The following DEPDC1B variants were observed in gnomAD, a reference collection of about 807,000 sequenced individuals.
The protein encoded by DEPDC1B is DEP domain-containing protein 1B.
In DEPDC1B, 51 loss-of-function variants were observed where a neutral mutation model predicts 66.5. The ratio of observed to expected loss-of-function variants is 0.77; its 90% CI spans 0.61 to 0.97. The LOEUF is 0.97. Ranked by LOEUF, DEPDC1B falls within the 50% of genes least tolerant of loss-of-function variation. The pLI is 0.00. For missense variants in DEPDC1B, 552 were observed against 637.1 expected (o/e 0.87, Z 1.44); for synonymous variants, 226 against 223.6 (o/e 1.01, Z -0.10).
chr5:60,689,517 C>T (rs1398244914), intron 1 of DEPDC1B, among the ~76,000 whole-genome samples: 1 of 152,168 alleles, frequency 6.6e-6, no homozygotes, highest in Non-Finnish European at 1.5e-5. Flanking sequence ...ATATTCAAAT[C>T]TGTATCTTGA....
At chr5:60,688,872 G>A (rs900132313) in intron 1 of DEPDC1B, 8 of 330,478 alleles carry the variant, frequency 2.4e-5, no homozygotes, top group South Asian at 1.0e-4. Context: ...TTGGATCCAC[G>A]TCAGTTAAGT....
At chr5:60,657,195 TG>T (rs1437188111) in intron 2 of DEPDC1B, among the ~76,000 whole-genome samples, 1 of 152,216 alleles carries the variant, frequency 6.6e-6, no homozygotes, top group African/African-American at 2.4e-5. Flanking sequence ...ATGTGTTAGG[TG>T]AGTCTCTTGA....
At chr5:60,671,799 T>C (rs889169875) in intron 2 of DEPDC1B, among the ~76,000 whole-genome samples, 2 of 152,220 alleles carry the variant, frequency 1.3e-5, no homozygotes, top group Non-Finnish European at 2.9e-5. Flanking sequence ...TTTGTACTTA[T>C]TTATGTGTAA....
At chr5:60,679,235 T>C (rs1754236795) in intron 2 of DEPDC1B, among the ~76,000 whole-genome samples, 1 of 152,212 alleles carries the variant, frequency 6.6e-6, no homozygotes, top group Non-Finnish European at 1.5e-5. Context: ...CTGGACTCTC[T>C]ATTCTGTACC....
chr5:60,647,605 C>T (rs984163374), intron 2 of DEPDC1B, 72 bp from the exon 3 acceptor site: 1 of 1,501,884 alleles, frequency 6.7e-7, no homozygotes, highest in Admixed American at 2.4e-5. Context: ...ATAGTCTCCA[C>T]TTTGGTGTAT....
At chr5:60,644,148 G>C (rs571024463) in intron 5 of DEPDC1B, among the ~76,000 whole-genome samples, 22 of 152,134 alleles carry the variant, frequency 1.4e-4, no homozygotes, top group Non-Finnish European at 2.4e-4. Flanking sequence ...ATCAGTGTGG[G>C]GACTGTGGTC....
In DEPDC1B at chr5:60,599,266, G is replaced by C; in HGVS notation, c.1243-6C>G. ...TCAGCTCCTGGGTATTTTATCTGAG[G>C]CAAAAGGATTAGTAGTGAAAGAATA... is the stretch of plus-strand genomic sequence containing the variant. On this transcript the variant is annotated splice_polypyrimidine_tract_variant and splice_region_variant and intron_variant, in intron 9 of 10. Coordinates refer to ENST00000265036, the MANE Select transcript of DEPDC1B (RefSeq NM_018369.3). 6.3e-7 allele frequency: 1 copy of C among 1,584,518 alleles called. No individual in the cohort carries two copies. Among genetic ancestry groups the C allele is most frequent in the South Asian group, 1.2e-5 (1 of 85,174 alleles).
intron 7 of DEPDC1B, among the ~76,000 whole-genome samples, chr5:60,630,344 G>A (rs1046405503): frequency 6.6e-6 from 1 of 152,194 alleles, no homozygotes; most frequent in Non-Finnish European, 1.5e-5. Context: ...TGTGCGCTCG[G>A]CACGGCTGCA....
At chr5:60,634,364 A>C (rs915274577) in intron 7 of DEPDC1B, among the ~76,000 whole-genome samples, 2 of 152,186 alleles carry the variant, frequency 1.3e-5, no homozygotes, top group Non-Finnish European at 2.9e-5. Flanking sequence ...AATCATTCCA[A>C]ATGCTCTTAA....
chr5:60,599,793 A>G (rs1752167654), intron 9 of DEPDC1B, among the ~76,000 whole-genome samples: 1 of 152,198 alleles, frequency 6.6e-6, no homozygotes, highest in Non-Finnish European at 1.5e-5. Context: ...TTTATTTCCC[A>G]TAAGGAATAC....
intron 2 of DEPDC1B, among the ~76,000 whole-genome samples, chr5:60,666,747 C>T (rs1324174085): frequency 6.6e-6 from 1 of 152,054 alleles, no homozygotes; most frequent in Non-Finnish European, 1.5e-5. Flanking sequence ...TGGTTGGCCT[C>T]CAGCCCAGAG....
intron 1 of DEPDC1B, among the ~76,000 whole-genome samples, chr5:60,699,652 C>G (rs1269189868): frequency 6.6e-6 from 1 of 152,136 alleles, no homozygotes; most frequent in South Asian, 2.1e-4. Context: ...GAAGGAGACA[C>G]GCCCTGCCTG....
chr5:60,666,449 C>G (rs568278834), intron 2 of DEPDC1B, among the ~76,000 whole-genome samples: 1 of 151,960 alleles, frequency 6.6e-6, no homozygotes, highest in Non-Finnish European at 1.5e-5. Context: ...GAACAAAGAC[C>G]CCCCCCATAA....
intron 2 of DEPDC1B, among the ~76,000 whole-genome samples, chr5:60,666,544 G>C (rs1321985461): frequency 6.6e-6 from 1 of 152,016 alleles, no homozygotes; most frequent in Non-Finnish European, 1.5e-5. Context: ...TTCTCTTCTG[G>C]GTCTAGCCAC....
chr5:60,687,244 G>A lies in DEPDC1B; in HGVS notation c.49-17C>T. On this transcript the variant is annotated splice_polypyrimidine_tract_variant and intron_variant, in intron 1 of 10. Coordinates refer to ENST00000265036, the MANE Select transcript of DEPDC1B (RefSeq NM_018369.3). The stretch of plus-strand genomic sequence containing the variant: ...CTCATTCCACTAGGGGAAAGAAAGA[G>A]AATGGCATTTAGTAATCAACTGATT... 1.3e-6 allele frequency: 2 copies of A among 1,589,442 alleles called. No individual in the cohort carries two copies. The highest frequency in any genetic ancestry group is 1.7e-6 in the Non-Finnish European group (2 of 1,163,826).
At chr5:60,616,569 A>G (rs543161163) in intron 7 of DEPDC1B, among the ~76,000 whole-genome samples, 103 of 152,342 alleles carry the variant, frequency 6.8e-4, no homozygotes, top group Non-Finnish European at 1.3e-3. Flanking sequence ...GAATGAAATG[A>G]AGCGAGAAGT....
intron 7 of DEPDC1B, among the ~76,000 whole-genome samples, chr5:60,616,871 T>C (rs1030087659): frequency 7.2e-5 from 11 of 152,106 alleles, no homozygotes; most frequent in African/African-American, 2.4e-4. Flanking sequence ...GAAAAAATGT[T>C]AAGGGCAGCC....
At chr5:60,618,682 G>C (rs879193521) in intron 7 of DEPDC1B, among the ~76,000 whole-genome samples, 3 of 152,206 alleles carry the variant, frequency 2.0e-5, no homozygotes, top group African/African-American at 4.8e-5. Flanking sequence ...GGACCAGACG[G>C]ATTCACAGCC....
chr5:60,694,760 G>C (rs1430117885), intron 1 of DEPDC1B, among the ~76,000 whole-genome samples: 11 of 152,182 alleles, frequency 7.2e-5, no homozygotes, highest in African/African-American at 2.4e-4. Context: ...AGTCAGGAAA[G>C]TTAATCGATT....
Sources: gnomAD v4.1 joint callset for allele counts (sites outside exome capture counted in the v4.1 genomes callset) on GRCh38, gnomAD v4.1.1 for gene constraint, MANE v1.5 for transcripts, NCBI Gene and HGNC (gene_info 2026-07-23, HGNC 2026-07-21) for gene names.